Variants in GLI3 observed in about 807,000 individuals in gnomAD.
GLI3 encodes the protein GLI family zinc finger 3, also known as transcription activator GLI3.
A neutral mutation model predicts 100.8 loss-of-function variants in GLI3; 20 were observed. The ratio of observed to expected loss-of-function variants is 0.20; its 90% CI spans 0.14 to 0.29. The LOEUF (loss-of-function observed/expected upper bound fraction) is 0.29. GLI3 is among the 10% of genes least tolerant of loss of function. The pLI, the probability that GLI3 is intolerant of heterozygous loss-of-function variation, is 1.00. For synonymous variants in GLI3, 938 were observed against 860.5 expected, an observed-to-expected ratio of 1.09 and a Z score of -1.58; for missense variants, 2,040 against 2,128.5, an observed-to-expected ratio of 0.96 and a Z score of 0.82.
At chr7:42,202,788 CGGG>C (rs538473154) in intron 2 of GLI3, among the ~76,000 whole-genome samples, 1 of 152,144 alleles carries the variant, frequency 6.6e-6, no homozygotes, top group Non-Finnish European at 1.5e-5. Flanking sequence ...AGTGAATGGA[CGGG>C]GGTCCCACTG....
intron 2 of GLI3, among the ~76,000 whole-genome samples, chr7:42,212,362 A>G (rs1169404235): frequency 5.3e-5 from 8 of 152,228 alleles, no homozygotes; most frequent in Non-Finnish European, 2.9e-5. Context: ...TCTAACATGT[A>G]ATCTGTATGT....
At chr7:41,988,128 C>T (rs1787879944) in intron 10 of GLI3, among the ~76,000 whole-genome samples, 2 of 152,154 alleles carry the variant, frequency 1.3e-5, no homozygotes, top group Non-Finnish European at 2.9e-5. Context: ...CCCCTGAAAT[C>T]CATATGTTGA....
intron 1 of GLI3, among the ~76,000 whole-genome samples, chr7:42,246,140 C>T (rs780849207): frequency 6.6e-6 from 1 of 152,246 alleles, no homozygotes. Context: ...TTACCAACTT[C>T]CACCTCATGT....
intron 2 of GLI3, among the ~76,000 whole-genome samples, chr7:42,167,016 C>A (rs1183325394): frequency 6.6e-6 from 1 of 151,838 alleles, no homozygotes; most frequent in South Asian, 2.1e-4. Flanking sequence ...TAGTAGAGAC[C>A]GGGTTTCGCC....
intron 1 of GLI3, 149 bp downstream of exon 1, chr7:42,236,822 C>G (rs1343234842): frequency 6.6e-6 from 1 of 152,272 alleles, no homozygotes; most frequent in African/African-American, 2.4e-5. Flanking sequence ...GCCTCACCGG[C>G]GGCTCTCTAA....
chr7:42,186,724 T>C (rs1562777710), intron 2 of GLI3, among the ~76,000 whole-genome samples: 2 of 152,218 alleles, frequency 1.3e-5, no homozygotes, highest in Non-Finnish European at 2.9e-5. Flanking sequence ...GAAAATAATA[T>C]ATCCTAGATC....
intron 4 of GLI3, among the ~76,000 whole-genome samples, chr7:42,057,909 T>C (rs1056625258): frequency 2.0e-5 from 3 of 151,874 alleles, no homozygotes; most frequent in Admixed American, 1.3e-4. Flanking sequence ...CGGAGGGGAA[T>C]AAAGGATAAA....
intron 3 of GLI3, among the ~76,000 whole-genome samples, chr7:42,077,384 T>TAA (rs1554323166): frequency 6.0e-5 from 9 of 149,500 alleles, no homozygotes; most frequent in African/African-American, 2.0e-4. Flanking sequence ...TTTTTTTTTT[T>TAA]AACTTAAATA....
chr7:41,977,441 A>G, intron 12 of GLI3, 117 bp downstream of exon 12: 1 of 1,040,760 alleles, frequency 9.6e-7, no homozygotes, highest in South Asian at 1.4e-5. Flanking sequence ...AGAGCCCCTC[A>G]TGCTGGGAAT....
chr7:42,206,834 A>T (rs1297621734), intron 2 of GLI3, among the ~76,000 whole-genome samples: 2 of 152,232 alleles, frequency 1.3e-5, no homozygotes, highest in Non-Finnish European at 2.9e-5. Flanking sequence ...CAAATCAGTG[A>T]TAGAAAAACT....
chr7:42,055,102 T>G (rs1293582427), intron 4 of GLI3, among the ~76,000 whole-genome samples: 1 of 140,642 alleles, frequency 7.1e-6, no homozygotes, highest in Non-Finnish European at 1.5e-5. Context: ...TATACACATA[T>G]ATGTATATAT....
chr7:42,238,041 C>T (rs894483774), upstream of GLI3, among the ~76,000 whole-genome samples: 2 of 148,518 alleles, frequency 1.3e-5, no homozygotes, highest in Non-Finnish European at 3.0e-5. Context: ...CCTCCTCCTC[C>T]TCCTCCGCCC....
rs1182420610 is a variant in GLI3 at position 41,965,528 on chromosome 7, C to A, written c.3545G>T (p.Arg1182Leu). 1 of 1,605,280 alleles carries A rather than the reference C, an allele frequency of 6.2e-7. No individual in the cohort carries two copies. The highest frequency in any genetic ancestry group is 1.3e-5 in the African/African-American group (1 of 74,742). ...LSSSKLKCGPRPAVPQTRAFG... is the reference protein window; with the variant it reads ...LSSSKLKCGPLPAVPQTRAFG... ...GGCGCGAGTCTGCGGCACAGCGGGC[C>A]GCGGCCCACACTTGAGCTTGGAGGA... The change falls in exon 15 of 15, where the codon CGG becomes CTG. Residue 1182 changes from arginine (R) to leucine (L), a missense_variant. Physicochemically the swap from Arg to Leu is moderately radical, Grantham distance 102. Transcript: ENST00000395925.
intron 5 of GLI3, among the ~76,000 whole-genome samples, chr7:42,046,428 T>G (rs1377006553): frequency 6.6e-6 from 1 of 152,234 alleles, no homozygotes; most frequent in Non-Finnish European, 1.5e-5. Context: ...TTTCATATAC[T>G]TTTTATCCAT....
intron 2 of GLI3, among the ~76,000 whole-genome samples, chr7:42,166,806 C>T (rs1787252058): frequency 6.6e-6 from 1 of 151,236 alleles, no homozygotes; most frequent in African/African-American, 2.4e-5. Flanking sequence ...ATTACAGGTA[C>T]ACGCCACCAT....
Position 41,964,654 on chromosome 7 carries a change from G to C in GLI3, c.4419C>G (p.Ser1473Arg), listed in dbSNP as rs1268398105. The change falls in exon 15 of 15, where the codon AGC (serine) becomes AGG (arginine). Residue 1473 changes from serine to arginine, a missense_variant. Around this residue, in one of 5 missense-constraint regions of GLI3, gnomAD observed 1,041 missense variants for 924.0 expected, o/e 1.13. Transcript: ENST00000395925. ...GGGAAAGTAACTCAGAGTTTTTGGC[G>C]CTGGTCCCCTGTAGCAGGCAGCTGG... ...SDASCLLQGT[S>R]AKNSELLSPG... The C allele has an allele frequency of 3.1e-6, 5 of 1,613,736 alleles. No individual in the cohort carries two copies. Among genetic ancestry groups the C allele is most frequent in the Admixed American group, 1.7e-5 (1 of 60,000 alleles).
intron 12 of GLI3, 116 bp downstream of exon 12, chr7:41,977,442 T>A: frequency 9.5e-7 from 1 of 1,056,112 alleles, no homozygotes; most frequent in Non-Finnish European, 1.4e-6. Context: ...GAGCCCCTCA[T>A]GCTGGGAATG....
At chr7:41,977,790 T>C (rs1436495307) in intron 11 of GLI3, 68 bp from the exon 12 acceptor site, 5 of 1,387,524 alleles carry the variant, frequency 3.6e-6, no homozygotes, top group Non-Finnish European at 5.1e-6. Flanking sequence ...TAACACGCCC[T>C]CCAAGTTGAT....
intron 1 of GLI3, among the ~76,000 whole-genome samples, chr7:42,228,794 C>T (rs900191282): frequency 6.6e-6 from 1 of 152,148 alleles, no homozygotes; most frequent in South Asian, 2.1e-4. Context: ...CATTAGCTGC[C>T]ATACATAGAT....
Sources: gnomAD v4.1 joint callset for allele counts (sites outside exome capture counted in the v4.1 genomes callset) on GRCh38, gnomAD v4.1.1 for gene constraint, gnomAD v4.1.1 regional missense constraint, MANE v1.5 for transcripts, NCBI Gene and HGNC (gene_info 2026-07-23, HGNC 2026-07-21) for gene names.